The following TNS2 variants were observed in gnomAD, a reference collection of about 807,000 sequenced individuals.
The protein encoded by TNS2 is tensin 2, also known as tensin-2.
In TNS2, 77 loss-of-function variants were observed where a neutral mutation model predicts 155.7. The ratio of observed to expected loss-of-function variants is 0.49; its 90% confidence interval spans 0.41 to 0.60. TNS2 has a LOEUF of 0.60. TNS2 is among the 20% of genes least tolerant of loss of function. The probability of loss-of-function intolerance (pLI) is 0.00; values close to 1 mark genes in which losing one functional copy is unlikely to be tolerated. For missense variants in TNS2, 1,703 were observed against 1,868.8 expected, an observed-to-expected ratio of 0.91 and a Z score of 1.64; for synonymous variants, 726 against 763.9, an observed-to-expected ratio of 0.95 and a Z score of 0.82.
Position 53,059,961 on chromosome 12 carries a change from C to CTA in TNS2, c.2320_2321insTA (p.Pro774LeufsTer15). Reference sequence around the variant, plus strand: ...CGAGGGCTGCTCCTACACCATGTGCCCCGAAGGCAGGTATGGGCATCCAGG... The same window carrying CTA: ...CGAGGGCTGCTCCTACACCATGTGCCTACCGAAGGCAGGTATGGGCATCCAGG... On this transcript the variant is annotated frameshift_variant, in exon 18 of 29. Transcript: ENST00000314250. LOFTEE classifies it high-confidence loss of function. This position sits in a 1 kb window ranked among gnomAD's most constrained non-coding sequence, Gnocchi z 4.7. 2 of 1,612,810 alleles carry CTA rather than the reference C, an allele frequency of 1.2e-6. No individual in the cohort carries two copies. The highest frequency in any genetic ancestry group is 1.7e-6 in the Non-Finnish European group (2 of 1,179,684).
Position 53,058,625 on chromosome 12 carries a change from G to A in TNS2, c.1279G>A (p.Glu427Lys), listed in dbSNP as rs746983956. The A allele has an allele frequency of 3.5e-5, 56 of 1,613,934 alleles. No individual in the cohort carries two copies. Among genetic ancestry groups the A allele is most frequent in the African/African-American group, 1.1e-4 (8 of 74,898 alleles). The change falls in exon 16 of 29, where the codon GAG becomes AAG. Residue 427 changes from glutamate to lysine, a missense_variant. Glu to Lys is a moderately conservative substitution (Grantham distance 56). Transcript: ENST00000314250. ...SVEFVFSSSP[E>K]KIKGSTPRND... ...GGAGTTTGTCTTCTCCTCCAGCCCC[G>A]AGAAGATCAAAGGTAAGAGCAGGGA... is the stretch of plus-strand genomic sequence containing the variant.
At chr12:53,053,619 G>T in intron 4 of TNS2, 155 bp from the exon 5 acceptor site, 2 of 1,362,278 alleles carry the variant, frequency 1.5e-6, no homozygotes, top group Non-Finnish European at 2.0e-6. Context: ...CTGATCTTGT[G>T]CCCTTGGGCC....
chr12:53,055,071 A>T, intron 7 of TNS2, 115 bp from the exon 8 acceptor site: 1 of 1,232,070 alleles, frequency 8.1e-7, no homozygotes, highest in Non-Finnish European at 1.2e-6. Context: ...GGCGTGAGTT[A>T]CTGCGACCGG....
chr12:53,051,241 TTCTA>T (rs1943919418), intron 1 of TNS2, among the ~76,000 whole-genome samples: 1 of 152,140 alleles, frequency 6.6e-6, no homozygotes, highest in African/African-American at 2.4e-5. Context: ...AGTGACAGGC[TTCTA>T]TCTGTTTCCC....
chr12:53,058,560 C>T lies in TNS2; in HGVS notation c.1226-12C>T. ...GCCAGGGGCCTGGTTCTTCACTGTC[C>T]ACTCCCCATAGATGAGAGGTTCCCC... On this transcript the variant is annotated splice_polypyrimidine_tract_variant and intron_variant, in intron 15 of 28. Coordinates refer to ENST00000314250, the MANE Select transcript of TNS2 (RefSeq NM_170754.4). The T allele has an allele frequency of 6.2e-7, 1 of 1,614,068 alleles. No individual in the cohort carries two copies.
Position 53,059,222 on chromosome 12 carries a change from C to A in TNS2, c.1581C>A (p.Ser527=), listed in dbSNP as rs1409590080. The change falls in exon 18 of 29, where the codon TCC becomes TCA. Residue 527 remains serine (S), a synonymous_variant. Transcript: ENST00000314250. This position sits in a 1 kb window ranked among gnomAD's most constrained non-coding sequence, Gnocchi z 4.7. Reference sequence around the variant, plus strand: ...TGACCACAGAGCCGGCTGCTGAGTCCCCTGGCCGGCCGCCCCCTACAGCTG... The same window carrying A: ...TGACCACAGAGCCGGCTGCTGAGTCACCTGGCCGGCCGCCCCCTACAGCTG... ...STLTTEPAAE[S]PGRPPPTAAE... The A allele has an allele frequency of 1.9e-6, 3 of 1,554,146 alleles. No individual in the cohort carries two copies. In the East Asian group the frequency reaches 6.8e-5, roughly 35 times the overall value.
At position 53,063,816 on chromosome 12, in the gene TNS2, C is replaced by G. The variant is rs1944462485; in HGVS notation, c.4164C>G (p.Asp1388Glu). 3 of 1,614,158 alleles carry G rather than the reference C, an allele frequency of 1.9e-6. No homozygotes were observed. Among genetic ancestry groups the G allele is most frequent in the Non-Finnish European group, 1.7e-6 (2 of 1,180,024 alleles). Residue 1388 changes from aspartate to glutamate, a missense_variant, in exon 29 of 29, where the codon GAC becomes GAG. By Grantham distance (45) the Asp-to-Glu change is conservative. Transcript: ENST00000314250. The surrounding 1 kb of genome is among the most constrained non-coding windows in gnomAD (Gnocchi z 5.6). ...TGTGTCACCTCTTTGCAGAGCTTGA[C>G]CCAGATCAGCCTGCTGGCGCCATTG... Reference protein sequence around the residue: ...ENVCHLFAELDPDQPAGAIVT... With the variant: ...ENVCHLFAELEPDQPAGAIVT...
chr12:53,052,483 T>G lies in TNS2; in HGVS notation c.213T>G (p.Cys71Trp). ...GCAAGGTGGCGACGCACAGAAAATGTGAAGCAAAGGTGGGTATCTGATTCT... is the reference window on the plus strand; with the variant it reads ...GCAAGGTGGCGACGCACAGAAAATGGGAAGCAAAGGTGGGTATCTGATTCT... ...RVCKVATHRK[C>W]EAKVTSACQA... Residue 71 changes from cysteine to tryptophan, a missense_variant, in exon 3 of 29, where the codon TGT (cysteine) becomes TGG (tryptophan). Coordinates refer to ENST00000314250, the MANE Select transcript of TNS2 (RefSeq NM_170754.4). 1 of 1,613,910 alleles carries G rather than the reference T, an allele frequency of 6.2e-7. No individual in the cohort carries two copies. Among genetic ancestry groups the G allele is most frequent in the Non-Finnish European group, 8.5e-7 (1 of 1,179,912 alleles).
chr12:53,062,038 C>T (rs548724158), intron 22 of TNS2, 98 bp downstream of exon 22: 130 of 1,610,992 alleles, frequency 8.1e-5, no homozygotes, highest in South Asian at 8.0e-4. Context: ...CTGGCCATGC[C>T]GCTGTAGAGG....
chr12:53,060,833 C>T lies in TNS2; in HGVS notation c.2927C>T (p.Pro976Leu), dbSNP rs185057505. 5.6e-6 allele frequency: 9 copies of T among 1,604,156 alleles called. No homozygotes were observed. The highest frequency in any genetic ancestry group is 2.2e-5 in the South Asian group (2 of 90,542). ...CCTCTGGCCCCTAGCCCAGTCTCTCCGACCTTCCCTCCCAGCTCGCCCAGT... is the reference window on the plus strand; with the variant it reads ...CCTCTGGCCCCTAGCCCAGTCTCTCTGACCTTCCCTCCCAGCTCGCCCAGT... ...PEPLAPSPVS[P>L]TFPPSSPSDW... The change falls in exon 20 of 29, where the codon CCG becomes CTG. Residue 976 changes from proline (P) to leucine (L), a missense_variant. Transcript: ENST00000314250. The surrounding 1 kb of genome is among the most constrained non-coding windows in gnomAD (Gnocchi z 6.1).
intron 2 of TNS2, 65 bp downstream of exon 2, chr12:53,052,028 G>A: frequency 7.5e-7 from 1 of 1,327,412 alleles, no homozygotes; most frequent in South Asian, 1.3e-5. Flanking sequence ...CACAACTCCA[G>A]CAGGCCAGCT....
At chr12:53,062,335 AC>A (rs1370833095) in intron 23 of TNS2, 40 bp from the exon 24 acceptor site, 1 of 1,613,086 alleles carries the variant, frequency 6.2e-7, no homozygotes, top group Non-Finnish European at 8.5e-7. Flanking sequence ...AAGGCGGGGC[AC>A]CCTGGGCATC....
Position 53,061,461 on chromosome 12 carries a change from G to A in TNS2, c.3440G>A (p.Arg1147His), listed in dbSNP as rs1279341951. The A allele has an allele frequency of 1.1e-5, 18 of 1,613,896 alleles. No individual in the cohort carries two copies. Among genetic ancestry groups the A allele is most frequent in the African/African-American group, 1.3e-5 (1 of 74,918 alleles). ...SKFWYKPHLS[R>H]DQAIALLKDK... Reference sequence around the variant, plus strand: ...TTCTGGTACAAGCCACACCTGTCCCGTGACCAAGGTGAGAAGCCAGCCTGC... The same window carrying A: ...TTCTGGTACAAGCCACACCTGTCCCATGACCAAGGTGAGAAGCCAGCCTGC... Residue 1147 changes from arginine (R) to histidine (H), a missense_variant, in exon 21 of 29, where the codon CGT becomes CAT. Transcript: ENST00000314250.
At position 53,063,947 on chromosome 12, in the gene TNS2, C is replaced by T. The variant is rs796196666; in HGVS notation, c.*65C>T. ...CCCTCCCAGCACCCCACAGCCCTCACATCCCCTGGCCTGGACCCAGGAGAC... is the reference window on the plus strand; with the variant it reads ...CCCTCCCAGCACCCCACAGCCCTCATATCCCCTGGCCTGGACCCAGGAGAC... On this transcript the variant is annotated 3_prime_UTR_variant, in exon 29 of 29. Coordinates refer to ENST00000314250, the MANE Select transcript of TNS2 (RefSeq NM_170754.4). This position sits in a 1 kb window ranked among gnomAD's most constrained non-coding sequence, Gnocchi z 5.6. 8 of 1,577,908 alleles carry T rather than the reference C, an allele frequency of 5.1e-6. No individual in the cohort carries two copies. The African/African-American group carries it at 9.4e-5, about 19-fold the overall frequency.
At position 53,059,687 on chromosome 12, in the gene TNS2, T is replaced by C. The variant is rs1944308181; in HGVS notation, c.2046T>C (p.Pro682=). 1 of 1,613,180 alleles carries C rather than the reference T, an allele frequency of 6.2e-7. No homozygotes were observed. The highest frequency in any genetic ancestry group is 8.5e-7 in the Non-Finnish European group (1 of 1,179,910). ...GGGAGGTGGTCATCCTGGAGGACCCTGGGCTGCCTGCCCTATACCCATGCC... is the reference window on the plus strand; with the variant it reads ...GGGAGGTGGTCATCCTGGAGGACCCCGGGCTGCCTGCCCTATACCCATGCC... ...GYREVVILED[P]GLPALYPCPA... is the part of the protein sequence containing the mutation. The change falls in exon 18 of 29, where the codon CCT becomes CCC. Residue 682 remains proline (P), a synonymous_variant. Coordinates refer to ENST00000314250, the MANE Select transcript of TNS2 (RefSeq NM_170754.4). This position sits in a 1 kb window ranked among gnomAD's most constrained non-coding sequence, Gnocchi z 4.7.
At chr12:53,054,546 C>G in intron 7 of TNS2, 105 bp downstream of exon 7, 17 of 624,292 alleles carry the variant, frequency 2.7e-5, no homozygotes, top group East Asian at 1.1e-4. Context: ...CGCCAGGGGG[C>G]GGGACCAGAG....
chr12:53,053,083 G>T, intron 3 of TNS2: 1 of 392,492 alleles, frequency 2.5e-6, no homozygotes, highest in Non-Finnish European at 4.9e-6. Flanking sequence ...GCCCAGGGGC[G>T]GGGTCTCCCG....
In TNS2 at chr12:53,060,304, G is replaced by A. The variant is rs1184075108; in HGVS notation, c.2617+46G>A. The A allele has an allele frequency of 6.5e-7, 1 of 1,549,646 alleles. No homozygotes were observed. The highest frequency in any genetic ancestry group is 8.7e-7 in the Non-Finnish European group (1 of 1,146,468). On this transcript the variant is annotated intron_variant, in intron 18 of 28. Coordinates refer to ENST00000314250, the MANE Select transcript of TNS2 (RefSeq NM_170754.4). The surrounding 1 kb of genome is among the most constrained non-coding windows in gnomAD (Gnocchi z 6.1). ...GAGTGCCCAGGGCAGAGGAGGTTCT[G>A]GAAGATGGTGGGGAAGTCAAGGGGG...
At chr12:53,061,552 C>G in intron 21 of TNS2, 83 bp downstream of exon 21, 1 of 1,465,928 alleles carries the variant, frequency 6.8e-7, no homozygotes, top group Non-Finnish European at 9.5e-7. Context: ...CCTGTTGAAG[C>G]TCTTGGCTCC....
Sources: gnomAD v4.1 joint callset for allele counts (sites outside exome capture counted in the v4.1 genomes callset) on GRCh38, gnomAD v4.1.1 for gene constraint, Gnocchi (gnomAD v3.1) non-coding constraint, MANE v1.5 for transcripts, NCBI Gene and HGNC (gene_info 2026-07-23, HGNC 2026-07-21) for gene names.